Variants in SAMMSON observed in about 807,000 individuals in gnomAD.
The protein encoded by SAMMSON is survival associated mitochondrial melanoma specific oncogenic non-coding RNA.
intron 4 of SAMMSON, among the ~76,000 whole-genome samples, chr3:70,139,247 G>C (rs1044936220): frequency 3.9e-5 from 6 of 152,112 alleles, no homozygotes; most frequent in Admixed American, 6.5e-5. Flanking sequence ...ATATTGTCCA[G>C]GCTGGTCTTG....
chr3:70,361,324 C>T (rs561166824), intron 9 of SAMMSON, among the ~76,000 whole-genome samples: 1 of 152,138 alleles, frequency 6.6e-6, no homozygotes, highest in East Asian at 1.9e-4. Flanking sequence ...CAGTCACATC[C>T]GACATTTCTA....
At chr3:70,421,609 C>T (rs779320600) in intron 2 of SAMMSON, among the ~76,000 whole-genome samples, 15 of 152,126 alleles carry the variant, frequency 9.9e-5, no homozygotes, top group South Asian at 2.1e-4. Context: ...ACCCACAGAA[C>T]TGGCATGACA....
At chr3:70,082,723 T>G (rs2067271441) in intron 4 of SAMMSON, among the ~76,000 whole-genome samples, 1 of 152,230 alleles carries the variant, frequency 6.6e-6, no homozygotes, top group African/African-American at 2.4e-5. Context: ...TCTCTGAGCC[T>G]TATCTGTAAA....
intron 4 of SAMMSON, among the ~76,000 whole-genome samples, chr3:70,196,734 G>C (rs373822964): frequency 6.6e-6 from 1 of 152,126 alleles, no homozygotes; most frequent in East Asian, 1.9e-4. Context: ...TGAGCCATGC[G>C]GTTGTGAAAT....
At chr3:70,242,664 A>T (rs1032597337) in intron 4 of SAMMSON, among the ~76,000 whole-genome samples, 4 of 152,222 alleles carry the variant, frequency 2.6e-5, no homozygotes, top group African/African-American at 9.6e-5. Flanking sequence ...TGTGTTTGGC[A>T]TGAAAAATGT....
At chr3:70,159,632 G>A (rs959211494) in intron 4 of SAMMSON, 2 of 151,528 alleles carry the variant, frequency 1.3e-5, no homozygotes. Context: ...GTGAGTTTTC[G>A]GCTCATGCAA....
intron 7 of SAMMSON, among the ~76,000 whole-genome samples, chr3:70,302,076 A>C (rs1223654510): frequency 6.6e-6 from 1 of 152,118 alleles, no homozygotes; most frequent in Non-Finnish European, 1.5e-5. Context: ...TACTTCTATG[A>C]GTTGTCCTCT....
chr3:70,389,453 T>C (rs1428560799), intron 9 of SAMMSON: 1 of 152,140 alleles, frequency 6.6e-6, no homozygotes, highest in Non-Finnish European at 1.5e-5. Flanking sequence ...ATAGTTCTCT[T>C]GATCTTCTCC....
At chr3:70,008,431 G>A (rs2066939086) in intron 1 of SAMMSON, among the ~76,000 whole-genome samples, 2 of 152,084 alleles carry the variant, frequency 1.3e-5, no homozygotes, top group Admixed American at 6.6e-5. Context: ...GTTCACTCAT[G>A]ATTTGGCTCT....
intron 7 of SAMMSON, chr3:70,312,830 G>A (rs1444876140): frequency 2.0e-5 from 3 of 151,504 alleles, no homozygotes; most frequent in Non-Finnish European, 4.4e-5. Flanking sequence ...ATGACATTCT[G>A]CAAAATAGGA....
rs1288579687 is a variant in SAMMSON at position 70,290,344 on chromosome 3, T to C, written n.675-835T>C. On this transcript the variant is annotated intron_variant and non_coding_transcript_variant, in intron 6 of 9. Transcript: ENST00000642114. ...GTGTAAGGTGTCAGTGTGCCCCTGT[T>C]GGGGGGTGCCTCCCAGTTAGGCTGC... 2.0e-5 allele frequency among the ~76,000 whole-genome samples: 3 copies of C among 152,136 alleles called. No individual in the cohort carries two copies. The East Asian group carries it at 5.8e-4, about 29-fold the overall frequency.
intron 3 of SAMMSON, among the ~76,000 whole-genome samples, chr3:70,059,949 T>C (rs2067181591): frequency 6.6e-6 from 1 of 152,130 alleles, no homozygotes; most frequent in African/African-American, 2.4e-5. Flanking sequence ...CTGAGTGTTA[T>C]TGGTGATAAA....
intron 4 of SAMMSON, among the ~76,000 whole-genome samples, chr3:70,101,907 T>G (rs918789359): frequency 5.9e-5 from 9 of 152,196 alleles, no homozygotes; most frequent in Admixed American, 2.6e-4. Flanking sequence ...TGAACAATGA[T>G]TAAAAGTTAT....
At chr3:70,262,101 G>A (rs886785298) in intron 6 of SAMMSON, among the ~76,000 whole-genome samples, 15 of 152,132 alleles carry the variant, frequency 9.9e-5, no homozygotes, top group African/African-American at 2.4e-4. Context: ...TCAAAAGCTG[G>A]TGCGACAGTA....
intron 7 of SAMMSON, among the ~76,000 whole-genome samples, chr3:70,324,177 A>G (rs879321561): frequency 1.8e-4 from 19 of 103,256 alleles, no homozygotes; most frequent in Non-Finnish European, 3.7e-4. Flanking sequence ...CTATCTATCT[A>G]TCTATCTATC....
At chr3:70,019,723 G>C (rs569209242) in intron 3 of SAMMSON, among the ~76,000 whole-genome samples, 1 of 152,132 alleles carries the variant, frequency 6.6e-6, no homozygotes, top group African/African-American at 2.4e-5. Flanking sequence ...TCTGGTACCG[G>C]TTGTTCCTTT....
chr3:70,013,209 G>A (rs935715312), intron 2 of SAMMSON, among the ~76,000 whole-genome samples: 1 of 152,028 alleles, frequency 6.6e-6, no homozygotes, highest in African/African-American at 2.4e-5. Flanking sequence ...ATTTGTCTAG[G>A]TTTTGACTCT....
intron 6 of SAMMSON, among the ~76,000 whole-genome samples, chr3:70,252,357 T>C (rs1007338161): frequency 6.6e-6 from 1 of 152,204 alleles, no homozygotes; most frequent in African/African-American, 2.4e-5. Context: ...TGTCACCCCA[T>C]TTGCTTCAGT....
At chr3:70,389,459 TCTC>T (rs1421046347) in intron 9 of SAMMSON, 2 of 152,150 alleles carry the variant, frequency 1.3e-5, no homozygotes, top group Non-Finnish European at 2.9e-5. Context: ...CTCTTGATCT[TCTC>T]CTAACCTCTT....
Sources: allele counts gnomAD v4.1 joint callset (sites outside exome capture counted in the v4.1 genomes callset), GRCh38; gene constraint gnomAD v4.1.1; transcripts MANE v1.5; gene names NCBI Gene and HGNC (gene_info 2026-07-23, HGNC 2026-07-21).